Variants in UBE3D observed in about 807,000 individuals in gnomAD.
The protein encoded by UBE3D is E3 ubiquitin-protein ligase E3D.
In UBE3D, 48 loss-of-function variants were observed where a neutral mutation model predicts 49.6. The ratio of observed to expected loss-of-function variants is 0.97; its 90% confidence interval spans 0.77 to 1.23. The LOEUF (loss-of-function observed/expected upper bound fraction) is 1.23. Ranked by LOEUF, UBE3D falls within the 50% of genes most tolerant of loss-of-function variation. The pLI is 0.00. For missense variants in UBE3D, 452 were observed against 468.4 expected (o/e 0.96, Z 0.32); for synonymous variants, 189 against 174.2 (o/e 1.08, Z -0.67).
At chr6:83,005,552 G>C (rs1244242539) in intron 8 of UBE3D, among the ~76,000 whole-genome samples, 1 of 151,948 alleles carries the variant, frequency 6.6e-6, no homozygotes, top group African/African-American at 2.4e-5. Context: ...GAAGGCTGAG[G>C]CTGGAGGATT....
chr6:83,001,760 T>G (rs901130843), intron 8 of UBE3D, among the ~76,000 whole-genome samples: 1 of 152,072 alleles, frequency 6.6e-6, no homozygotes, highest in Non-Finnish European at 1.5e-5. Flanking sequence ...TGGAAGAGTG[T>G]CTAGGAAGCA....
chr6:82,886,645 G>C, the UBE3D span, among the ~76,000 whole-genome samples: 1 of 152,226 alleles, frequency 6.6e-6, no homozygotes, highest in Non-Finnish European at 1.5e-5. Flanking sequence ...CGTAGGAAAT[G>C]TGTTTTCTTT....
intron 9 of UBE3D, among the ~76,000 whole-genome samples, chr6:82,941,130 C>T (rs904766016): frequency 3.9e-5 from 6 of 152,000 alleles, no homozygotes; most frequent in Non-Finnish European, 8.8e-5. Flanking sequence ...TGCTTGAACC[C>T]AAGAGGCGGA....
At chr6:82,977,113 C>CAAAAAAAAAAAAAA (rs58424434) in intron 8 of UBE3D, among the ~76,000 whole-genome samples, 17 of 42,586 alleles carry the variant, frequency 4.0e-4, no homozygotes, top group African/African-American at 1.8e-3. Context: ...GACTCCATCT[C>CAAAAAAAAAAAAAA]AAAAAAAAAA....
At chr6:82,907,017 A>T (rs1046563844) in intron 9 of UBE3D, among the ~76,000 whole-genome samples, 7 of 152,230 alleles carry the variant, frequency 4.6e-5, no homozygotes, top group Non-Finnish European at 1.0e-4. Context: ...ATCTTTCTAG[A>T]TAGAGAACTT....
chr6:82,981,072 G>A lies in UBE3D; in HGVS notation c.1011-23622C>T, dbSNP rs183133904. ...TCAGTGACAAATGAAAATTTGCATA[G>A]TACCTTATATGTTATCCAATTCTTT... is the stretch of plus-strand genomic sequence containing the variant. On this transcript the variant is annotated intron_variant, in intron 8 of 9. Transcript: ENST00000369747. Among the ~76,000 whole-genome samples, 388 of 152,072 alleles carry A rather than the reference G, an allele frequency of 2.6e-3. 1 individual carries two copies. The highest frequency in any genetic ancestry group is 4.0e-3 in the Non-Finnish European group (275 of 67,918).
intron 9 of UBE3D, among the ~76,000 whole-genome samples, chr6:82,933,482 A>T (rs1774321309): frequency 6.6e-6 from 1 of 152,240 alleles, no homozygotes; most frequent in Non-Finnish European, 1.5e-5. Flanking sequence ...CATTTAGCAG[A>T]CAACTTTAGG....
At chr6:83,022,593 G>T in intron 6 of UBE3D, 32 bp from the exon 7 acceptor site, 1 of 1,501,278 alleles carries the variant, frequency 6.7e-7, no homozygotes, top group Non-Finnish European at 9.0e-7. Flanking sequence ...TTTACAATGT[G>T]TATCTCATAA....
intron 9 of UBE3D, 138 bp from the exon 10 acceptor site, chr6:82,893,180 G>C: frequency 3.2e-6 from 3 of 923,988 alleles, no homozygotes; most frequent in Non-Finnish European, 5.0e-6. Context: ...ACTCTTAGTG[G>C]ATCTAGACAT....
chr6:82,896,000 G>A (rs1771289799), intron 9 of UBE3D, among the ~76,000 whole-genome samples: 1 of 152,112 alleles, frequency 6.6e-6, no homozygotes, highest in South Asian at 2.1e-4. Context: ...TTAAAATTTG[G>A]CTTAATGTCT....
rs1468734516 is a variant in UBE3D, at chr6:82,935,798, T to C, written c.1149+21514A>G. Among the ~76,000 whole-genome samples, 5 of 152,262 alleles carry C rather than the reference T, an allele frequency of 3.3e-5. No homozygotes were observed. In the East Asian group the frequency reaches 7.7e-4, roughly 24 times the overall value. On this transcript the variant is annotated intron_variant, in intron 9 of 9. Coordinates refer to ENST00000369747, the MANE Select transcript of UBE3D (RefSeq NM_198920.3). ...CAAAGCGAAAAGGGGTATAGAATTC[T>C]ATACTTAGCTTAGCCATCACTAAAG...
intron 8 of UBE3D, among the ~76,000 whole-genome samples, chr6:82,998,810 G>C (rs1412587382): frequency 1.3e-5 from 2 of 152,132 alleles, no homozygotes; most frequent in African/African-American, 4.8e-5. Context: ...CTTAATACAA[G>C]AGTTACACAG....
chr6:82,904,747 T>C (rs1771978911), intron 9 of UBE3D, among the ~76,000 whole-genome samples: 1 of 152,222 alleles, frequency 6.6e-6, no homozygotes, highest in Non-Finnish European at 1.5e-5. Context: ...ACTAATTGTG[T>C]ATATAAATAT....
At chr6:82,924,658 TG>T (rs1773612293) in intron 9 of UBE3D, among the ~76,000 whole-genome samples, 1 of 152,156 alleles carries the variant, frequency 6.6e-6, no homozygotes, top group South Asian at 2.1e-4. Flanking sequence ...TTGCACAAAT[TG>T]AAAAATAAAG....
At chr6:82,901,544 A>G (rs1483792874) in intron 9 of UBE3D, among the ~76,000 whole-genome samples, 1 of 152,176 alleles carries the variant, frequency 6.6e-6, no homozygotes, top group Non-Finnish European at 1.5e-5. Flanking sequence ...TAGGTTTGAG[A>G]GCTGTTGATC....
intron 8 of UBE3D, among the ~76,000 whole-genome samples, chr6:82,966,672 A>AAC (rs1562131303): frequency 1.3e-5 from 2 of 151,346 alleles, no homozygotes; most frequent in South Asian, 2.1e-4. Flanking sequence ...AAAAAAAAAA[A>AAC]ACCACTGAAT....
intron 8 of UBE3D, among the ~76,000 whole-genome samples, chr6:82,969,054 T>C (rs1777152365): frequency 6.6e-6 from 1 of 152,082 alleles, no homozygotes; most frequent in African/African-American, 2.4e-5. Context: ...GTCACTGTCA[T>C]TGATTAACGC....
intron 8 of UBE3D, among the ~76,000 whole-genome samples, chr6:83,016,560 A>G (rs922334256): frequency 3.3e-5 from 5 of 152,030 alleles, no homozygotes; most frequent in African/African-American, 1.2e-4. Context: ...CAAAATCTGT[A>G]TTAGTCAGGG....
chr6:82,943,481 C>T (rs1775170784), intron 9 of UBE3D, among the ~76,000 whole-genome samples: 1 of 151,920 alleles, frequency 6.6e-6, no homozygotes, highest in Non-Finnish European at 1.5e-5. Context: ...ACTAAAAGTA[C>T]AAAAATTAGC....
Sources: gnomAD v4.1 joint callset for allele counts (sites outside exome capture counted in the v4.1 genomes callset) on GRCh38, gnomAD v4.1.1 for gene constraint, MANE v1.5 for transcripts, NCBI Gene and HGNC (gene_info 2026-07-23, HGNC 2026-07-21) for gene names.